The following SLCO6A1 variants were observed in gnomAD, a reference collection of about 807,000 sequenced individuals.
The protein encoded by SLCO6A1 is cancer/testis antigen 48.
A neutral mutation model predicts 72.7 loss-of-function variants in SLCO6A1; 65 were observed. The observed-to-expected ratio is 0.89, with a 90% confidence interval of 0.73 to 1.10. The LOEUF is 1.10. Ranked by LOEUF, SLCO6A1 falls within the 50% of genes least tolerant of loss-of-function variation. The pLI is 0.00. For missense variants in SLCO6A1, 874 were observed against 872.6 expected (o/e 1.00, Z -0.02); for synonymous variants, 314 against 298.2 (o/e 1.05, Z -0.55).
At chr5:102,468,091 CAAT>C (rs1751400665) in intron 4 of SLCO6A1, among the ~76,000 whole-genome samples, 4 of 152,100 alleles carry the variant, frequency 2.6e-5, no homozygotes, top group Admixed American at 2.6e-4. Flanking sequence ...ATTATTGATC[CAAT>C]AATAATTCAG....
chr5:102,388,019 C>T (rs1213698399), intron 12 of SLCO6A1, among the ~76,000 whole-genome samples: 1 of 152,114 alleles, frequency 6.6e-6, no homozygotes, highest in Non-Finnish European at 1.5e-5. Flanking sequence ...GTTCTAGGCA[C>T]TGTTATATCA....
At chr5:102,418,789 T>C (rs532032888) in intron 8 of SLCO6A1, among the ~76,000 whole-genome samples, 2 of 152,190 alleles carry the variant, frequency 1.3e-5, no homozygotes, top group East Asian at 1.9e-4. Flanking sequence ...AAACTCTATC[T>C]CCTATCTACA....
rs1291416470 is a variant in SLCO6A1, at chr5:102,438,763, T to G, written c.1132-2A>C. 3 of 1,528,580 alleles carry G rather than the reference T, an allele frequency of 2.0e-6. No homozygotes were observed. Among genetic ancestry groups the G allele is most frequent in the Non-Finnish European group, 2.6e-6 (3 of 1,145,482 alleles). 94.7% of individuals were successfully genotyped at this position (1,528,580 alleles called of 1,614,324 possible). A position where few individuals can be genotyped will look rare whatever the true frequency, so the allele number is the denominator to read the frequency against. ...GAGCACTGGATTCTTCATCAGAATC[T>G]GAAATAAAAATAAGTTATATATCTA... On this transcript the variant is annotated splice_acceptor_variant, in intron 6 of 13. Transcript: ENST00000506729. LOFTEE classifies it high-confidence loss of function.
At chr5:102,447,849 T>C (rs573029782) in intron 6 of SLCO6A1, among the ~76,000 whole-genome samples, 1 of 152,182 alleles carries the variant, frequency 6.6e-6, no homozygotes, top group African/African-American at 2.4e-5. Flanking sequence ...GATCTTTTTA[T>C]GGTTTTTCTC....
intron 6 of SLCO6A1, among the ~76,000 whole-genome samples, chr5:102,448,379 T>A (rs1750231526): frequency 6.6e-6 from 1 of 152,210 alleles, no homozygotes; most frequent in African/African-American, 2.4e-5. Flanking sequence ...CATAGATGAC[T>A]GTTAGGTACA....
intron 9 of SLCO6A1, among the ~76,000 whole-genome samples, chr5:102,401,229 G>C (rs1418527181): frequency 6.6e-6 from 1 of 152,168 alleles, no homozygotes; most frequent in South Asian, 2.1e-4. Context: ...GGTAGAGCTT[G>C]CTTGAAAAGT....
At chr5:102,469,991 T>C (rs1434551743) in intron 4 of SLCO6A1, among the ~76,000 whole-genome samples, 1 of 152,204 alleles carries the variant, frequency 6.6e-6, no homozygotes, top group Non-Finnish European at 1.5e-5. Context: ...GAACCAGCCT[T>C]GCATCCCAGG....
chr5:102,388,625 T>C, intron 12 of SLCO6A1, 63 bp downstream of exon 12: 1 of 1,207,758 alleles, frequency 8.3e-7, no homozygotes, highest in East Asian at 2.7e-5. Context: ...TACATTACTA[T>C]TAACAACCAT....
chr5:102,479,328 A>G (rs1421554029), intron 2 of SLCO6A1, among the ~76,000 whole-genome samples: 1 of 152,174 alleles, frequency 6.6e-6, no homozygotes, highest in Non-Finnish European at 1.5e-5. Flanking sequence ...CCTCCTGTAC[A>G]GGCTGCAGAA....
chr5:102,392,456 A>C (rs960008478), intron 10 of SLCO6A1, among the ~76,000 whole-genome samples: 2 of 151,984 alleles, frequency 1.3e-5, no homozygotes, highest in African/African-American at 4.8e-5. Context: ...CTTTTATGTC[A>C]TATGATATTG....
chr5:102,443,956 T>G (rs1408091283), intron 6 of SLCO6A1, among the ~76,000 whole-genome samples: 1 of 152,186 alleles, frequency 6.6e-6, no homozygotes, highest in Non-Finnish European at 1.5e-5. Flanking sequence ...CGCAGTACTG[T>G]GGCTATTAGG....
intron 11 of SLCO6A1, among the ~76,000 whole-genome samples, chr5:102,390,229 G>GTACT (rs1419852728): frequency 6.6e-6 from 1 of 152,064 alleles, no homozygotes; most frequent in East Asian, 1.9e-4. Flanking sequence ...AACTTCCTGT[G>GTACT]TACTGACTGA....
At chr5:102,453,787 T>C (rs145477941) in intron 6 of SLCO6A1, among the ~76,000 whole-genome samples, 15 of 152,236 alleles carry the variant, frequency 9.9e-5, no homozygotes, top group African/African-American at 3.6e-4. Flanking sequence ...ACCCAATAAT[T>C]GGGCAGGGGT....
At chr5:102,447,767 CTTCTTT>C (rs1309373669) in intron 6 of SLCO6A1, among the ~76,000 whole-genome samples, 1 of 151,808 alleles carries the variant, frequency 6.6e-6, no homozygotes, top group Admixed American at 6.6e-5. Context: ...TGTCCCTTTT[CTTCTTT>C]ATTTGTCTAC....
chr5:102,373,172 A>T (rs1750717228), intron 13 of SLCO6A1, among the ~76,000 whole-genome samples, 165 bp downstream of exon 13: 1 of 151,866 alleles, frequency 6.6e-6, no homozygotes, highest in African/African-American at 2.4e-5. Flanking sequence ...TTATATTTTT[A>T]AAAATTTTAA....
intron 12 of SLCO6A1, among the ~76,000 whole-genome samples, chr5:102,375,641 A>T (rs1561408196): frequency 6.6e-6 from 1 of 152,152 alleles, no homozygotes; most frequent in East Asian, 1.9e-4. Context: ...GGTGAAACAT[A>T]TTTATGTTTA....
Position 102,458,458 on chromosome 5 carries a change from TGTTTAC to T in SLCO6A1, c.1049_1054del (p.Arg350_Lys351del). ...AAGTCTGCTGTCAAAAAAATGAAGC[TGTTTAC>T]GTTTCCTAGCTTTTATCCGTGTTGA... On this transcript the variant is annotated inframe_deletion, in exon 6 of 14. Transcript: ENST00000506729. 1 of 1,612,876 alleles carries T rather than the reference TGTTTAC, an allele frequency of 6.2e-7. No individual in the cohort carries two copies. The highest frequency in any genetic ancestry group is 1.1e-5 in the South Asian group (1 of 90,948).
At chr5:102,430,982 A>T (rs1264707027) in intron 7 of SLCO6A1, among the ~76,000 whole-genome samples, 5 of 151,882 alleles carry the variant, frequency 3.3e-5, no homozygotes, top group African/African-American at 4.8e-5. Flanking sequence ...GCTCATTATT[A>T]GTCTGTTCAG....
At chr5:102,480,049 C>T (rs1419409682) in intron 2 of SLCO6A1, 128 bp downstream of exon 2, 1 of 869,766 alleles carries the variant, frequency 1.1e-6, no homozygotes, top group East Asian at 2.6e-5. Context: ...CAAACTTGGT[C>T]ATATAAATCA....
Sources: allele counts gnomAD v4.1 joint callset (sites outside exome capture counted in the v4.1 genomes callset), GRCh38; gene constraint gnomAD v4.1.1; transcripts MANE v1.5; gene names NCBI Gene and HGNC (gene_info 2026-07-23, HGNC 2026-07-21).